The following RYR3 variants were observed in gnomAD, a reference collection of about 807,000 sequenced individuals.
RYR3 encodes the protein brain ryanodine receptor-calcium release channel.
A neutral mutation model predicts 584.3 loss-of-function variants in RYR3; 207 were observed. The observed-to-expected ratio is 0.35, with a 90% CI of 0.32 to 0.40. The LOEUF is 0.40. Among genes scored for constraint, RYR3 ranks in the 10% least tolerant of loss-of-function variants. RYR3 has a pLI of 1.00. For missense variants in RYR3, 5,616 were observed against 6,089.2 expected (o/e 0.92, Z 2.59); for synonymous variants, 2,416 against 2,248.5 (o/e 1.07, Z -2.11).
intron 34 of RYR3, among the ~76,000 whole-genome samples, chr15:33,661,814 T>A (rs532682699): frequency 6.6e-6 from 1 of 152,320 alleles, no homozygotes; most frequent in South Asian, 2.1e-4. Context: ...AAATGAAACA[T>A]CTGCTTGATC....
chr15:33,351,149 G>A (rs1057473822), intron 1 of RYR3, among the ~76,000 whole-genome samples: 2 of 152,044 alleles, frequency 1.3e-5, no homozygotes, highest in African/African-American at 2.4e-5. Flanking sequence ...CAAATAAACT[G>A]GAAAATCTAG....
chr15:33,670,674 G>C, intron 38 of RYR3, 118 bp downstream of exon 38: 1 of 1,033,896 alleles, frequency 9.7e-7, no homozygotes, highest in Non-Finnish European at 1.4e-6. Context: ...AAAGCATCTG[G>C]GCAGTATGTT....
chr15:33,593,645 C>A (rs1263555091), intron 16 of RYR3, among the ~76,000 whole-genome samples: 1 of 151,852 alleles, frequency 6.6e-6, no homozygotes, highest in African/African-American at 2.4e-5. Context: ...TTCAGTGACT[C>A]CAAATTAGGA....
rs2059658613 is a variant in RYR3, at chr15:33,601,503, C to T, written c.1873C>T (p.Pro625Ser). The change falls in exon 17 of 104, where the codon CCC becomes TCC. Residue 625 changes from proline to serine, a missense_variant. Physicochemically the swap from Pro to Ser is moderately conservative, Grantham distance 74. Coordinates refer to ENST00000634891, the MANE Select transcript of RYR3 (RefSeq NM_001036.6). The stretch of plus-strand genomic sequence containing the variant: ...GAATCTGATCTGTGACAACTTGCTG[C>T]CCCGGAGAAACCTACTCCTGCAGAC... ...NQNLICDNLL[P>S]RRNLLLQTRL... is the part of the protein sequence containing the mutation. 6.2e-7 allele frequency: 1 copy of T among 1,613,706 alleles called. No individual in the cohort carries two copies. Among genetic ancestry groups the T allele is most frequent in the Middle Eastern group, 1.6e-4 (1 of 6,062 alleles).
At chr15:33,566,911 C>T in intron 12 of RYR3, 112 bp downstream of exon 12, 1 of 1,210,624 alleles carries the variant, frequency 8.3e-7, no homozygotes, top group Non-Finnish European at 1.2e-6. Context: ...AATGATACAC[C>T]AGCAAAGAGT....
At chr15:33,492,585 C>T (rs570147497) in intron 2 of RYR3, among the ~76,000 whole-genome samples, 5 of 152,214 alleles carry the variant, frequency 3.3e-5, no homozygotes, top group Admixed American at 6.5e-5. Context: ...ATTTGGAAGC[C>T]GAGCTGTTTT....
chr15:33,740,120 T>C (rs1368121418), intron 51 of RYR3, 125 bp downstream of exon 51: 7 of 767,582 alleles, frequency 9.1e-6, no homozygotes, highest in Admixed American at 2.6e-5. Context: ...TCATCATTTC[T>C]CTTGATGTGT....
chr15:33,557,346 C>T (rs2057132567), intron 10 of RYR3, among the ~76,000 whole-genome samples: 1 of 152,182 alleles, frequency 6.6e-6, no homozygotes, highest in Admixed American at 6.5e-5. Flanking sequence ...TAGTTTGAAC[C>T]AGACCGGGGC....
intron 3 of RYR3, among the ~76,000 whole-genome samples, chr15:33,522,427 G>GA (rs1205523650): frequency 6.6e-5 from 10 of 152,130 alleles, no homozygotes; most frequent in East Asian, 3.9e-4. Flanking sequence ...TCTTAGGGGG[G>GA]AAAAACCTCT....
At chr15:33,675,509 A>G (rs2064120986) in intron 38 of RYR3, among the ~76,000 whole-genome samples, 1 of 152,206 alleles carries the variant, frequency 6.6e-6, no homozygotes, top group Admixed American at 6.5e-5. Context: ...GTACTGAGAT[A>G]GTTATGAGCA....
chr15:33,768,339 C>T (rs764868559), intron 60 of RYR3, among the ~76,000 whole-genome samples: 1 of 152,158 alleles, frequency 6.6e-6, no homozygotes, highest in Non-Finnish European at 1.5e-5. Context: ...CACAAATGAA[C>T]GTTTCAGTAC....
intron 18 of RYR3, among the ~76,000 whole-genome samples, chr15:33,612,640 G>A (rs565216423): frequency 2.6e-5 from 4 of 152,326 alleles, no homozygotes; most frequent in South Asian, 4.1e-4. Context: ...GATTACAGGC[G>A]TGAGCCACTG....
intron 89 of RYR3, 109 bp from the exon 90 acceptor site, chr15:33,840,716 T>C (rs1198647582): frequency 2.2e-6 from 2 of 915,538 alleles, no homozygotes; most frequent in Non-Finnish European, 3.5e-6. Flanking sequence ...AGCAGAAACA[T>C]GAAAAGCCAT....
intron 23 of RYR3, among the ~76,000 whole-genome samples, chr15:33,631,967 G>C (rs770659510): frequency 3.2e-4 from 49 of 152,124 alleles, no homozygotes; most frequent in African/African-American, 1.1e-3. Flanking sequence ...TCTCACACAC[G>C]CAACTCCTAG....
chr15:33,560,384 A>G (rs981745065), intron 10 of RYR3, among the ~76,000 whole-genome samples: 4 of 152,148 alleles, frequency 2.6e-5, no homozygotes, highest in Admixed American at 2.0e-4. Flanking sequence ...AAAGACACAG[A>G]AACACTCCTT....
chr15:33,635,303 C>G (rs149610175), intron 25 of RYR3, among the ~76,000 whole-genome samples: 42 of 152,274 alleles, frequency 2.8e-4, no homozygotes, highest in African/African-American at 9.9e-4. Context: ...ATGATTTTAC[C>G]TCTTTGAGCC....
chr15:33,486,713 T>C (rs79474279), intron 2 of RYR3, among the ~76,000 whole-genome samples: 3,437 of 152,212 alleles, frequency 0.023, 119 homozygotes, highest in African/African-American at 0.078. Context: ...TAACAGTTTG[T>C]AGAAGAATAA....
chr15:33,348,120 A>T (rs1359493509), intron 1 of RYR3, among the ~76,000 whole-genome samples: 1 of 152,194 alleles, frequency 6.6e-6, no homozygotes. Flanking sequence ...CACATGGATT[A>T]TTCTGGCCTT....
At chr15:33,615,063 C>G (rs530149196) in intron 19 of RYR3, among the ~76,000 whole-genome samples, 24 of 152,236 alleles carry the variant, frequency 1.6e-4, no homozygotes, top group Admixed American at 5.2e-4. Flanking sequence ...AAGGCAAAAC[C>G]CCACAATAAC....
Sources: allele counts gnomAD v4.1 joint callset (sites outside exome capture counted in the v4.1 genomes callset), GRCh38; gene constraint gnomAD v4.1.1; transcripts MANE v1.5; gene names NCBI Gene and HGNC (gene_info 2026-07-23, HGNC 2026-07-21).